Variants in IMMP1L observed in about 807,000 individuals in gnomAD.
IMMP1L encodes the protein inner mitochondrial membrane peptidase subunit 1, also known as mitochondrial inner membrane protease subunit 1.
Under a neutral mutation model 21.8 loss-of-function variants are expected in IMMP1L, and 24 were observed. The observed-to-expected ratio is 1.10, with a 90% confidence interval of 0.80 to 1.55. The LOEUF (loss-of-function observed/expected upper bound fraction) is 1.55, where lower values mean the gene tolerates loss of function less well. Among genes scored for constraint, IMMP1L ranks in the 40% most tolerant of loss-of-function variants. The pLI is 0.00. For synonymous variants in IMMP1L, 46 were observed against 62.8 expected, an observed-to-expected ratio of 0.73 and a Z score of 1.26; for missense variants, 195 against 200.7, an observed-to-expected ratio of 0.97 and a Z score of 0.17.
rs1042166248 is a variant in IMMP1L, at chr11:31,463,223, T to C, written c.54A>G (p.Gln18=). The stretch of plus-strand genomic sequence containing the variant: ...AAGCACAATGAGCTATACAGCCATA[T>C]TGAATAGTATAGCCAACAAGTCGAA... ...KTFRLVGYTI[Q]YGCIAHCAFE... Residue 18 remains glutamine (Q), a synonymous_variant, in exon 2 of 6, where the codon CAA becomes CAG. Transcript: ENST00000532287. 5.0e-6 allele frequency: 8 copies of C among 1,612,654 alleles called. No individual in the cohort carries two copies. In the Admixed American group the frequency reaches 1.2e-4, roughly 24 times the overall value.
chr11:31,493,416 C>T (rs1375566619), intron 1 of IMMP1L, among the ~76,000 whole-genome samples: 2 of 152,088 alleles, frequency 1.3e-5, no homozygotes, highest in Non-Finnish European at 2.9e-5. Flanking sequence ...GGGTAACCCA[C>T]CCCCGCCATG....
chr11:31,447,275 A>G (rs1482810565), intron 4 of IMMP1L, among the ~76,000 whole-genome samples: 2 of 152,150 alleles, frequency 1.3e-5, no homozygotes, highest in African/African-American at 4.8e-5. Flanking sequence ...CCCCCCTCCC[A>G]AGTCCAGTGG....
chr11:31,491,887 A>G (rs970925148), intron 1 of IMMP1L, among the ~76,000 whole-genome samples: 5 of 152,248 alleles, frequency 3.3e-5, no homozygotes, highest in Admixed American at 3.3e-4. Context: ...ATTTTAAAAT[A>G]TTCAGTAAAC....
At chr11:31,499,882 T>TCCTA (rs928000399) in intron 1 of IMMP1L, among the ~76,000 whole-genome samples, 1 of 151,866 alleles carries the variant, frequency 6.6e-6, no homozygotes, top group Non-Finnish European at 1.5e-5. Flanking sequence ...AGACGCTTCT[T>TCCTA]CCTGTGACTC....
chr11:31,492,184 T>C (rs1313173513), intron 1 of IMMP1L, among the ~76,000 whole-genome samples: 2 of 152,238 alleles, frequency 1.3e-5, no homozygotes, highest in Non-Finnish European at 1.5e-5. Context: ...TGTCACTTCA[T>C]GTACCCACCT....
At chr11:31,446,490 T>C (rs773587183) in intron 4 of IMMP1L, among the ~76,000 whole-genome samples, 48 of 152,178 alleles carry the variant, frequency 3.2e-4, no homozygotes, top group Non-Finnish European at 5.9e-4. Context: ...CTTGCTATAT[T>C]GCCCAGGTTG....
At chr11:31,483,303 T>C (rs1954962005) in intron 1 of IMMP1L, among the ~76,000 whole-genome samples, 1 of 152,044 alleles carries the variant, frequency 6.6e-6, no homozygotes, top group Admixed American at 6.6e-5. Context: ...CACTTTCCTG[T>C]ATGTGTAGCT....
chr11:31,441,840 C>A (rs914259059), intron 4 of IMMP1L, among the ~76,000 whole-genome samples: 1 of 151,992 alleles, frequency 6.6e-6, no homozygotes, highest in African/African-American at 2.4e-5. Context: ...GAAAACCACT[C>A]TAATAAACAC....
chr11:31,443,564 G>A (rs777986822), intron 4 of IMMP1L, among the ~76,000 whole-genome samples: 14 of 152,124 alleles, frequency 9.2e-5, no homozygotes, highest in Admixed American at 9.2e-4. Context: ...GCTAATTAAG[G>A]CCGAGGAGTA....
intron 1 of IMMP1L, among the ~76,000 whole-genome samples, chr11:31,467,932 C>T (rs1257218705): frequency 6.6e-6 from 1 of 151,982 alleles, no homozygotes; most frequent in Admixed American, 6.6e-5. Context: ...CATCTGTGTA[C>T]CATTCCTGCC....
intron 1 of IMMP1L, chr11:31,469,933 G>A (rs1003276373): frequency 1.3e-5 from 2 of 152,010 alleles, no homozygotes. Flanking sequence ...AAAATAAAAT[G>A]GCATTTTTAA....
Position 31,503,405 on chromosome 11 carries a change from T to C in IMMP1L, c.-30+6114A>G, listed in dbSNP as rs533636860. Reference sequence around the variant, plus strand: ...TAGAAGGAAATAAATGATAAATAAATAGTAATCGATTAAACAGAAAGTAGA... The same window carrying C: ...TAGAAGGAAATAAATGATAAATAAACAGTAATCGATTAAACAGAAAGTAGA... On this transcript the variant is annotated intron_variant, in intron 1 of 5. Transcript: ENST00000532287. 3.2e-3 allele frequency among the ~76,000 whole-genome samples: 480 copies of C among 151,824 alleles called. 2 individuals are homozygous for C. Among genetic ancestry groups the C allele is most frequent in the Non-Finnish European group, 5.0e-3 (342 of 67,936 alleles).
intron 4 of IMMP1L, among the ~76,000 whole-genome samples, chr11:31,439,819 CAG>C (rs1953259014): frequency 6.6e-6 from 1 of 152,058 alleles, no homozygotes; most frequent in Admixed American, 6.5e-5. Context: ...TTGATTTTTC[CAG>C]AGTCTCTACT....
At chr11:31,453,097 C>A (rs1444003166) in intron 4 of IMMP1L, 2 of 1,289,286 alleles carry the variant, frequency 1.6e-6, no homozygotes, top group Admixed American at 4.6e-5. Context: ...AAATACCTAA[C>A]AGTAAAAAAT....
At chr11:31,444,135 T>C (rs77901407) in intron 4 of IMMP1L, among the ~76,000 whole-genome samples, 3,062 of 152,248 alleles carry the variant, frequency 0.02, 89 homozygotes, top group African/African-American at 0.069. Flanking sequence ...CTTTGCATAC[T>C]AGTTAAGCAC....
At chr11:31,438,748 A>AT (rs1953212934) in intron 4 of IMMP1L, among the ~76,000 whole-genome samples, 1 of 151,278 alleles carries the variant, frequency 6.6e-6, no homozygotes, top group Admixed American at 6.6e-5. Flanking sequence ...ATTTTTCTGA[A>AT]TTTTTTCATT....
intron 4 of IMMP1L, among the ~76,000 whole-genome samples, chr11:31,434,673 C>T (rs996736224): frequency 9.2e-5 from 14 of 151,902 alleles, no homozygotes; most frequent in African/African-American, 3.1e-4. Context: ...ATTTCACTTA[C>T]GTAAGCGATT....
intron 4 of IMMP1L, among the ~76,000 whole-genome samples, chr11:31,442,765 T>C (rs968966123): frequency 3.3e-5 from 5 of 152,172 alleles, no homozygotes; most frequent in African/African-American, 7.2e-5. Flanking sequence ...TTTTTAATGA[T>C]TATTTTTTCA....
chr11:31,482,011 T>C (rs1449796972), intron 1 of IMMP1L, among the ~76,000 whole-genome samples: 1 of 152,054 alleles, frequency 6.6e-6, no homozygotes, highest in Non-Finnish European at 1.5e-5. Flanking sequence ...CTTAATACTC[T>C]AGTAGACTCT....
Sources: gnomAD v4.1 joint callset for allele counts (sites outside exome capture counted in the v4.1 genomes callset) on GRCh38, gnomAD v4.1.1 for gene constraint, MANE v1.5 for transcripts, NCBI Gene and HGNC (gene_info 2026-07-23, HGNC 2026-07-21) for gene names.